The following STXBP5 variants were observed in gnomAD, a reference collection of about 807,000 sequenced individuals.
STXBP5 encodes syntaxin binding protein 5.
In STXBP5, 50 loss-of-function variants were observed where a neutral mutation model predicts 152.4. The ratio of observed to expected loss-of-function variants is 0.33; its 90% CI spans 0.26 to 0.42. STXBP5 has a LOEUF of 0.42. STXBP5 is among the 10% of genes least tolerant of loss of function. The pLI, the probability that STXBP5 is intolerant of heterozygous loss-of-function variation, is 1.00. For synonymous variants in STXBP5, 492 were observed against 494.7 expected, an observed-to-expected ratio of 0.99 and a Z score of 0.07; for missense variants, 1,167 against 1,388.6, an observed-to-expected ratio of 0.84 and a Z score of 2.54.
At chr6:147,354,029 A>C (rs932474302) in intron 22 of STXBP5, among the ~76,000 whole-genome samples, 4 of 152,190 alleles carry the variant, frequency 2.6e-5, no homozygotes, top group Non-Finnish European at 5.9e-5. Flanking sequence ...GTATCTTTTT[A>C]AACTCATTTT....
chr6:147,336,462 C>A (rs1275763075), intron 19 of STXBP5, among the ~76,000 whole-genome samples: 1 of 150,654 alleles, frequency 6.6e-6, no homozygotes, highest in Non-Finnish European at 1.5e-5. Context: ...TATTATTACC[C>A]CTTTGGCCAA....
chr6:147,260,113 C>A (rs966591291), intron 4 of STXBP5, among the ~76,000 whole-genome samples: 1 of 152,020 alleles, frequency 6.6e-6, no homozygotes, highest in Non-Finnish European at 1.5e-5. Context: ...GATAGAGATA[C>A]AAAAGTATCA....
At chr6:147,323,331 C>T (rs1051575266) in intron 16 of STXBP5, among the ~76,000 whole-genome samples, 2 of 152,214 alleles carry the variant, frequency 1.3e-5, no homozygotes, top group African/African-American at 4.8e-5. Flanking sequence ...TTCGTCTTAC[C>T]TATGTTCACC....
chr6:147,323,643 C>T (rs1185417517), intron 16 of STXBP5, among the ~76,000 whole-genome samples: 1 of 152,162 alleles, frequency 6.6e-6, no homozygotes, highest in Non-Finnish European at 1.5e-5. Flanking sequence ...CTGCCCACCT[C>T]GGCCTCCCAA....
At chr6:147,336,734 T>C (rs996055225) in intron 19 of STXBP5, among the ~76,000 whole-genome samples, 6 of 152,066 alleles carry the variant, frequency 3.9e-5, no homozygotes, top group African/African-American at 1.4e-4. Context: ...ATGTATAAAG[T>C]GGATTGGGAG....
intron 8 of STXBP5, among the ~76,000 whole-genome samples, chr6:147,286,301 A>C (rs1243445203): frequency 6.6e-6 from 1 of 151,438 alleles, no homozygotes; most frequent in East Asian, 1.9e-4. Context: ...CTTCATAAGG[A>C]GGGGAAAGGG....
rs1018537999 is a variant in STXBP5, at chr6:147,313,762, A to C, written c.1146-122A>C. ...GACTTCCATTTTTAAATATATTTAC[A>C]AAAATTAAATCAATTTAATCTCTAT... On this transcript the variant is annotated intron_variant, in intron 11 of 27. Transcript: ENST00000321680. The C allele has an allele frequency of 9.1e-6, 6 of 655,820 alleles. No individual in the cohort carries two copies. In the African/African-American group the frequency reaches 1.1e-4, roughly 12 times the overall value. The allele number at this position is 655,820 out of a possible 1,614,324, so 40.6% of individuals were successfully genotyped here.
chr6:147,346,030 T>C (rs550691927), intron 21 of STXBP5, among the ~76,000 whole-genome samples: 19 of 152,268 alleles, frequency 1.2e-4, no homozygotes, highest in Admixed American at 3.3e-4. Flanking sequence ...AAACCTTCTG[T>C]CAGAGGCAAG....
intron 9 of STXBP5, among the ~76,000 whole-genome samples, chr6:147,296,400 G>A (rs1781527509): frequency 6.6e-6 from 1 of 152,040 alleles, no homozygotes; most frequent in Admixed American, 6.6e-5. Context: ...TGAAGAAATT[G>A]CATGGAGACT....
intron 7 of STXBP5, among the ~76,000 whole-genome samples, chr6:147,274,331 G>A (rs891322555): frequency 1.3e-5 from 2 of 151,896 alleles, no homozygotes; most frequent in South Asian, 2.1e-4. Flanking sequence ...GGTTGGGGGA[G>A]GTTATTTTTA....
At chr6:147,288,015 C>T (rs1008000934) in intron 8 of STXBP5, among the ~76,000 whole-genome samples, 4 of 151,682 alleles carry the variant, frequency 2.6e-5, no homozygotes, top group African/African-American at 9.7e-5. Context: ...GTGACTGGGG[C>T]CTTCTCCTTT....
At chr6:147,260,874 T>A in intron 5 of STXBP5, 125 bp downstream of exon 5, 4 of 1,203,364 alleles carry the variant, frequency 3.3e-6, no homozygotes, top group Non-Finnish European at 3.4e-6. Flanking sequence ...TAATATTAAG[T>A]ACAGATTTAT....
intron 2 of STXBP5, among the ~76,000 whole-genome samples, chr6:147,208,139 G>GT (rs199571383): frequency 0.016 from 2,421 of 151,512 alleles, 49 homozygotes; most frequent in African/African-American, 0.055. Flanking sequence ...ATACTCTAAA[G>GT]TTTTTTTTTA....
intron 6 of STXBP5, among the ~76,000 whole-genome samples, chr6:147,266,236 G>T (rs906810216): frequency 6.6e-6 from 1 of 152,068 alleles, no homozygotes; most frequent in African/African-American, 2.4e-5. Flanking sequence ...TACTGAATTT[G>T]CAATTTATCC....
At chr6:147,270,309 G>A (rs759775553) in intron 7 of STXBP5, among the ~76,000 whole-genome samples, 161 of 149,220 alleles carry the variant, frequency 1.1e-3, no homozygotes, top group Non-Finnish European at 1.9e-3. Flanking sequence ...CGAGGCAGGA[G>A]AATGGCTTGA....
chr6:147,255,834 A>G (rs1779332310), intron 4 of STXBP5, among the ~76,000 whole-genome samples: 1 of 152,206 alleles, frequency 6.6e-6, no homozygotes, highest in Non-Finnish European at 1.5e-5. Flanking sequence ...CTTCTGTACA[A>G]TTATAAGAAA....
chr6:147,226,566 C>G (rs1777725018), intron 2 of STXBP5, among the ~76,000 whole-genome samples: 1 of 152,104 alleles, frequency 6.6e-6, no homozygotes, highest in Non-Finnish European at 1.5e-5. Flanking sequence ...GTACAGAATT[C>G]AGTATGACTG....
intron 4 of STXBP5, among the ~76,000 whole-genome samples, chr6:147,251,817 C>T (rs1056305131): frequency 2.0e-5 from 3 of 152,162 alleles, no homozygotes; most frequent in Non-Finnish European, 4.4e-5. Context: ...CAGCAGGGGT[C>T]GACAGACACC....
chr6:147,253,378 C>T (rs1779195165), intron 4 of STXBP5, among the ~76,000 whole-genome samples: 1 of 152,156 alleles, frequency 6.6e-6, no homozygotes, highest in Non-Finnish European at 1.5e-5. Context: ...TGGAAGCATT[C>T]CCTTTGAAAA....
Sources: gnomAD v4.1 joint callset for allele counts (sites outside exome capture counted in the v4.1 genomes callset) on GRCh38, gnomAD v4.1.1 for gene constraint, MANE v1.5 for transcripts, NCBI Gene and HGNC (gene_info 2026-07-23, HGNC 2026-07-21) for gene names.